The following PLXNA4 variants were observed in gnomAD, a reference collection of about 807,000 sequenced individuals.
PLXNA4 encodes plexin-A4.
PLXNA4 carries 44 observed loss-of-function variants against 191.8 expected under a neutral mutation model. The ratio of observed to expected loss-of-function variants is 0.23; its 90% CI spans 0.18 to 0.29. PLXNA4 has a LOEUF of 0.29. Among genes scored for constraint, PLXNA4 ranks in the 10% least tolerant of loss-of-function variants. The pLI is 1.00. For missense variants in PLXNA4, 1,800 were observed against 2,488.8 expected, an observed-to-expected ratio of 0.72 and a Z score of 5.89; for synonymous variants, 1,082 against 1,009.5, an observed-to-expected ratio of 1.07 and a Z score of -1.36.
chr7:132,363,634 C>T (rs1804037012), intron 3 of PLXNA4, among the ~76,000 whole-genome samples: 3 of 152,176 alleles, frequency 2.0e-5, no homozygotes, highest in Admixed American at 6.5e-5. Flanking sequence ...TTGGCTTTTG[C>T]GAGTAATTCT....
intron 3 of PLXNA4, among the ~76,000 whole-genome samples, chr7:132,441,331 G>A (rs1477434623): frequency 1.3e-5 from 2 of 152,182 alleles, no homozygotes; most frequent in South Asian, 2.1e-4. Flanking sequence ...TCCCTTTTTA[G>A]TATTTTGGAA....
At chr7:132,552,755 A>G (rs1800616767) in intron 1 of PLXNA4, among the ~76,000 whole-genome samples, 1 of 152,206 alleles carries the variant, frequency 6.6e-6, no homozygotes, top group Admixed American at 6.5e-5. Context: ...GTGGACTTTC[A>G]TTTCCCTAAA....
intron 11 of PLXNA4, 26 bp from the exon 12 acceptor site, chr7:132,202,862 G>A: frequency 6.6e-7 from 1 of 1,513,224 alleles, no homozygotes. Flanking sequence ...GCAAGGACAA[G>A]GGGTGCTTGG....
intron 2 of PLXNA4, among the ~76,000 whole-genome samples, chr7:132,620,992 C>G (rs1014129436): frequency 6.6e-6 from 1 of 152,104 alleles, no homozygotes; most frequent in African/African-American, 2.4e-5. Context: ...GAGATCATCT[C>G]TCTCATGTCT....
At chr7:132,327,180 G>GAAAAAAA (rs1802408362) in intron 3 of PLXNA4, among the ~76,000 whole-genome samples, 3 of 108,548 alleles carry the variant, frequency 2.8e-5, no homozygotes, top group Non-Finnish European at 4.0e-5. Context: ...AAAAAAAAAA[G>GAAAAAAA]AAAAAAGAAA....
chr7:132,385,582 T>C (rs773498616), intron 3 of PLXNA4, among the ~76,000 whole-genome samples: 4 of 152,218 alleles, frequency 2.6e-5, no homozygotes, highest in Non-Finnish European at 4.4e-5. Flanking sequence ...AGCTGTATGA[T>C]GGCACGTGTC....
At chr7:132,435,947 GAAC>G (rs1326691488) in intron 3 of PLXNA4, among the ~76,000 whole-genome samples, 2 of 152,212 alleles carry the variant, frequency 1.3e-5, no homozygotes, top group East Asian at 3.9e-4. Flanking sequence ...GGGATAGAAA[GAAC>G]AATAGTACTA....
At chr7:132,307,209 A>G (rs1801558303) in intron 3 of PLXNA4, among the ~76,000 whole-genome samples, 1 of 152,018 alleles carries the variant, frequency 6.6e-6, no homozygotes, top group African/African-American at 2.4e-5. Context: ...AGCACCTCAC[A>G]TCTTCCCCAG....
At chr7:132,570,518 C>T (rs1801930692) in intron 1 of PLXNA4, among the ~76,000 whole-genome samples, 1 of 152,208 alleles carries the variant, frequency 6.6e-6, no homozygotes, top group South Asian at 2.1e-4. Context: ...CAGCTGTGCT[C>T]ATTCGAGAAG....
chr7:132,434,247 G>C (rs1274905676), intron 3 of PLXNA4, among the ~76,000 whole-genome samples: 1 of 152,080 alleles, frequency 6.6e-6, no homozygotes, highest in African/African-American at 2.4e-5. Context: ...GCTCTCTTTT[G>C]GCCACAGTGT....
At chr7:132,573,498 C>G (rs550048347) in intron 1 of PLXNA4, among the ~76,000 whole-genome samples, 1 of 152,178 alleles carries the variant, frequency 6.6e-6, no homozygotes, top group Non-Finnish European at 1.5e-5. Flanking sequence ...TCTCCCACTT[C>G]GGGACTGCTG....
chr7:132,368,549 G>A (rs988265514), intron 3 of PLXNA4, among the ~76,000 whole-genome samples: 8 of 152,196 alleles, frequency 5.3e-5, no homozygotes, highest in African/African-American at 1.7e-4. Context: ...CCCTCTGTCT[G>A]CCCAGGCTGA....
chr7:132,375,162 G>T (rs1804606614), intron 3 of PLXNA4, among the ~76,000 whole-genome samples: 1 of 152,202 alleles, frequency 6.6e-6, no homozygotes, highest in South Asian at 2.1e-4. Flanking sequence ...AGAGGCTTGG[G>T]CAAGGCCAGA....
chr7:132,458,362 G>A (rs1276552218), intron 3 of PLXNA4, among the ~76,000 whole-genome samples: 3 of 152,014 alleles, frequency 2.0e-5, no homozygotes, highest in Admixed American at 6.6e-5. Flanking sequence ...ACCTGCATGA[G>A]AGTATCAAGG....
At chr7:132,474,623 C>T (rs2117440810) in intron 3 of PLXNA4, among the ~76,000 whole-genome samples, 1 of 149,914 alleles carries the variant, frequency 6.7e-6, no homozygotes, top group East Asian at 1.9e-4. Flanking sequence ...AGCACATGTA[C>T]ACACACACAC....
chr7:132,427,881 G>A (rs1376024215), intron 3 of PLXNA4, among the ~76,000 whole-genome samples: 1 of 152,214 alleles, frequency 6.6e-6, no homozygotes, highest in African/African-American at 2.4e-5. Context: ...CCGCCTCAGG[G>A]GGTTGTTGGG....
At chr7:132,626,532 G>T (rs569781680) in intron 2 of PLXNA4, among the ~76,000 whole-genome samples, 7 of 152,012 alleles carry the variant, frequency 4.6e-5, no homozygotes, top group African/African-American at 1.7e-4. Flanking sequence ...GTGAGCCCTC[G>T]TGAGAGCTGG....
At chr7:132,189,044 G>A (rs1050407156) in intron 14 of PLXNA4, among the ~76,000 whole-genome samples, 2 of 90,234 alleles carry the variant, frequency 2.2e-5, no homozygotes, top group African/African-American at 7.5e-5. Context: ...GAGAGAGAGA[G>A]AGAGAGAGAG....
intron 2 of PLXNA4, among the ~76,000 whole-genome samples, chr7:132,612,244 T>C (rs2116855269): frequency 6.6e-6 from 1 of 152,318 alleles, no homozygotes; most frequent in South Asian, 2.1e-4. Flanking sequence ...ACCTGTTAGC[T>C]ACATGCATTG....
Sources: gnomAD v4.1 joint callset for allele counts (sites outside exome capture counted in the v4.1 genomes callset) on GRCh38, gnomAD v4.1.1 for gene constraint, MANE v1.5 for transcripts, NCBI Gene and HGNC (gene_info 2026-07-23, HGNC 2026-07-21) for gene names.